The following BIRC6 variants were observed in gnomAD, a reference collection of about 807,000 sequenced individuals.
BIRC6 encodes baculoviral IAP repeat containing 6, also known as dual E2 ubiquitin-conjugating enzyme/E3 ubiquitin-protein ligase BIRC6.
Under a neutral mutation model 503.3 loss-of-function variants are expected in BIRC6, and 98 were observed. The ratio of observed to expected loss-of-function variants is 0.19; its 90% CI spans 0.17 to 0.23. The LOEUF is 0.23. Ranked by LOEUF, BIRC6 falls within the 10% of genes least tolerant of loss-of-function variation. BIRC6 has a pLI of 1.00. For missense variants in BIRC6, 5,360 were observed against 5,806.0 expected (o/e 0.92, Z 2.50); for synonymous variants, 2,240 against 2,078.7 (o/e 1.08, Z -2.11).
rs771605848 is a variant in BIRC6, at chr2:32,510,577, C to G, written c.10289C>G (p.Ser3430Cys). The change falls in exon 53 of 74, where the codon TCT becomes TGT. Residue 3430 changes from serine (S) to cysteine (C), a missense_variant. Physicochemically the swap from Ser to Cys is moderately radical, Grantham distance 112. This residue lies in a region of BIRC6 where 878 missense variants were observed against 928.9 expected (regional missense o/e 0.95). Transcript: ENST00000421745. Reference sequence around the variant, plus strand: ...AGACTAAATGGACTCTCTTCTGACTCTACGATAGATATTCTTTACCAGCTT... The same window carrying G: ...AGACTAAATGGACTCTCTTCTGACTGTACGATAGATATTCTTTACCAGCTT... The part of the protein sequence containing the change: ...FGRLNGLSSD[S>C]TIDILYQLGT... 2.5e-6 allele frequency: 4 copies of G among 1,610,306 alleles called. No homozygotes were observed. In the South Asian group the frequency reaches 3.3e-5, roughly 13 times the overall value.
At chr2:32,544,579 G>A (rs2057919726) in intron 62 of BIRC6, among the ~76,000 whole-genome samples, 1 of 148,240 alleles carries the variant, frequency 6.7e-6, no homozygotes, top group Non-Finnish European at 1.5e-5. Flanking sequence ...AAAATCACAT[G>A]GTTTTGATTA....
At chr2:32,480,512 A>G (rs980436556) in intron 37 of BIRC6, among the ~76,000 whole-genome samples, 7 of 151,768 alleles carry the variant, frequency 4.6e-5, no homozygotes, top group African/African-American at 1.7e-4. Context: ...ATGGAAAAGT[A>G]AGAGTTATAG....
intron 6 of BIRC6, among the ~76,000 whole-genome samples, chr2:32,399,461 T>C (rs2040360762): frequency 6.6e-6 from 1 of 152,206 alleles, no homozygotes; most frequent in South Asian, 2.1e-4. Context: ...GGTGTGATCA[T>C]AGCTTACTGC....
chr2:32,490,172 A>C (rs1479737643), intron 43 of BIRC6, 21 bp downstream of exon 43: 3 of 1,529,128 alleles, frequency 2.0e-6, no homozygotes, highest in Non-Finnish European at 2.7e-6. Context: ...AAATTTATTC[A>C]TTTAAATCTC....
In BIRC6 at chr2:32,469,387, T is replaced by C; in HGVS notation, c.6128-8T>C. ...TAGGAAAGTTTACTGTTTTCTTTCT[T>C]GTAATAGGACACTCTGTTCCTGCAG... On this transcript the variant is annotated splice_region_variant and splice_polypyrimidine_tract_variant and intron_variant, in intron 29 of 73. Coordinates refer to ENST00000421745, the MANE Select transcript of BIRC6 (RefSeq NM_016252.4). The C allele has an allele frequency of 1.3e-6, 2 of 1,599,254 alleles. No individual in the cohort carries two copies. Among genetic ancestry groups the C allele is most frequent in the Non-Finnish European group, 1.7e-6 (2 of 1,173,182 alleles).
At chr2:32,591,165 G>A (rs2061360823) in intron 66 of BIRC6, among the ~76,000 whole-genome samples, 1 of 151,706 alleles carries the variant, frequency 6.6e-6, no homozygotes, top group South Asian at 2.1e-4. Flanking sequence ...TCTTTTTTTC[G>A]GTGTGTTTTT....
intron 66 of BIRC6, among the ~76,000 whole-genome samples, chr2:32,589,841 G>C (rs1223341408): frequency 1.3e-5 from 2 of 152,162 alleles, no homozygotes; most frequent in African/African-American, 4.8e-5. Flanking sequence ...CTAAAAATTA[G>C]TATATTTGTG....
At chr2:32,570,890 T>C (rs954718334) in intron 65 of BIRC6, among the ~76,000 whole-genome samples, 5 of 152,184 alleles carry the variant, frequency 3.3e-5, no homozygotes, top group Non-Finnish European at 7.3e-5. Flanking sequence ...CTCAAACTCC[T>C]GGTCTCAAGC....
Position 32,444,675 on chromosome 2 carries a change from C to T in BIRC6, c.4337-846C>T, listed in dbSNP as rs535142072. Reference sequence around the variant, plus strand: ...CCATGGAGGGAGGATTGCTTGAGGCCAGGAGTTTAAAAAAACAACCCATTC... The same window carrying T: ...CCATGGAGGGAGGATTGCTTGAGGCTAGGAGTTTAAAAAAACAACCCATTC... On this transcript the variant is annotated intron_variant, in intron 20 of 73. Coordinates refer to ENST00000421745, the MANE Select transcript of BIRC6 (RefSeq NM_016252.4). 2.6e-5 allele frequency among the ~76,000 whole-genome samples: 4 copies of T among 152,090 alleles called. No individual in the cohort carries two copies. In the East Asian group the frequency reaches 7.7e-4, roughly 29 times the overall value.
rs561441728 is a variant in BIRC6 at position 32,559,733 on chromosome 2, A to T, written c.13144+10252A>T. On this transcript the variant is annotated intron_variant, in intron 65 of 73. Transcript: ENST00000421745. ...CTTCAAAATCTTTAAAAAAAAAAAA[A>T]AAATAAGGCCGGCACAGTGGCTCAC... is the stretch of plus-strand genomic sequence containing the variant. Among the ~76,000 whole-genome samples, 302 of 151,880 alleles carry T rather than the reference A, an allele frequency of 2.0e-3. 1 individual carries two copies. The South Asian group carries it at 0.03, about 15-fold the overall frequency.
chr2:32,481,326 C>A lies in BIRC6; in HGVS notation c.7415C>A (p.Pro2472His). 1 of 1,591,062 alleles carries A rather than the reference C, an allele frequency of 6.3e-7. No individual in the cohort carries two copies. ...EPLTHDITGAPPLSSLEKDKE... is the reference protein window; with the variant it reads ...EPLTHDITGAHPLSSLEKDKE... ...CACTTTTAATTATTTGAAGGTGCACCTCCTCTGTCCTCTTTGGAAAAAGAT... is the reference window on the plus strand; with the variant it reads ...CACTTTTAATTATTTGAAGGTGCACATCCTCTGTCCTCTTTGGAAAAAGAT... The change falls in exon 38 of 74, where the codon CCT (proline) becomes CAT (histidine). Residue 2472 changes from proline (P) to histidine (H), a missense_variant. Around this residue, in one of 16 missense-constraint regions of BIRC6, gnomAD observed 2,299 missense variants for 2,267.2 expected, o/e 1.01. Transcript: ENST00000421745.
At chr2:32,604,009 T>C (rs1369649547) in intron 71 of BIRC6, among the ~76,000 whole-genome samples, 1 of 152,068 alleles carries the variant, frequency 6.6e-6, no homozygotes, top group Non-Finnish European at 1.5e-5. Context: ...TCCAAATAGC[T>C]TTTTAAGTGA....
At chr2:32,472,398 T>C (rs1476593420) in intron 32 of BIRC6, among the ~76,000 whole-genome samples, 2 of 152,116 alleles carry the variant, frequency 1.3e-5, no homozygotes, top group Admixed American at 1.3e-4. Context: ...AAGAAAAATA[T>C]AAAATAAACT....
rs374523128 is a variant in BIRC6, at chr2:32,401,405, T to C, written c.1257+20T>C. 1.1e-4 allele frequency: 180 copies of C among 1,613,034 alleles called. No homozygotes were observed. The African/African-American group carries it at 2.1e-3, about 19-fold the overall frequency. Reference sequence around the variant, plus strand: ...ATGAAGGTATGTTTGAATTTTGAAGTAACAAATTAGTAATTGAAAAAAGAT... The same window carrying C: ...ATGAAGGTATGTTTGAATTTTGAAGCAACAAATTAGTAATTGAAAAAAGAT... On this transcript the variant is annotated intron_variant, in intron 7 of 73. Coordinates refer to ENST00000421745, the MANE Select transcript of BIRC6 (RefSeq NM_016252.4).
rs575378299 is a variant in BIRC6 at position 32,594,949 on chromosome 2, CTA to C, written c.13502-84_13502-83del. ...TTTTTTGGAATTCACAATTTGAACT[CTA>C]GAGGTGAATTCTTTTTAGTTTTATT... On this transcript the variant is annotated intron_variant, in intron 67 of 73. Transcript: ENST00000421745. 17 of 842,034 alleles carry C rather than the reference CTA, an allele frequency of 2.0e-5. 1 individual carries two copies. Among genetic ancestry groups the C allele is most frequent in the South Asian group, 1.5e-4 (7 of 45,394 alleles). The allele number at this position is 842,034 out of a possible 1,614,324, so 52.2% of individuals were successfully genotyped here.
chr2:32,428,602 AAT>A (rs2043777143), intron 10 of BIRC6, among the ~76,000 whole-genome samples: 2 of 152,210 alleles, frequency 1.3e-5, no homozygotes, highest in Admixed American at 1.3e-4. Context: ...AGAATGTTAG[AAT>A]ATACTATTAC....
At chr2:32,371,237 A>G (rs1163945845) in intron 1 of BIRC6, among the ~76,000 whole-genome samples, 6 of 151,400 alleles carry the variant, frequency 4.0e-5, no homozygotes, top group Admixed American at 3.3e-4. Flanking sequence ...AAAAAAAAAA[A>G]AAAGGAAATT....
At position 32,406,594 on chromosome 2, in the gene BIRC6, T is replaced by A. The variant is rs770592689; in HGVS notation, c.1477+37T>A. 8 of 1,456,406 alleles carry A rather than the reference T, an allele frequency of 5.5e-6. No individual in the cohort carries two copies. In the African/African-American group the frequency reaches 1.1e-4, roughly 20 times the overall value. The allele number at this position is 1,456,406 out of a possible 1,614,324, so 90.2% of individuals were successfully genotyped here. ...GTATTAGATAATGTATTTAAAAAATTCTTTACACAGTTGTGCATACAGCTA... is the reference window on the plus strand; with the variant it reads ...GTATTAGATAATGTATTTAAAAAATACTTTACACAGTTGTGCATACAGCTA... On this transcript the variant is annotated intron_variant, in intron 9 of 73. Coordinates refer to ENST00000421745, the MANE Select transcript of BIRC6 (RefSeq NM_016252.4).
In BIRC6 at chr2:32,518,288, G is replaced by A. The variant is rs1402818334; in HGVS notation, c.11384G>A (p.Arg3795Lys). The A allele has an allele frequency of 6.2e-7, 1 of 1,613,174 alleles. No homozygotes were observed. The highest frequency in any genetic ancestry group is 2.2e-5 in the East Asian group (1 of 44,796). Residue 3795 changes from arginine to lysine, a missense_variant, in exon 56 of 74, where the codon AGA becomes AAA. This residue lies in a region of BIRC6 where 878 missense variants were observed against 928.9 expected (regional missense o/e 0.95). Coordinates refer to ENST00000421745, the MANE Select transcript of BIRC6 (RefSeq NM_016252.4). ...LCELFQTSPQ[R>K]GNLPTSGNIS... ...GAACTATTTCAGACATCTCCTCAAAGAGGGAACCTTCCAACATCTGGGAAC... is the reference window on the plus strand; with the variant it reads ...GAACTATTTCAGACATCTCCTCAAAAAGGGAACCTTCCAACATCTGGGAAC...
Sources: gnomAD v4.1 joint callset for allele counts (sites outside exome capture counted in the v4.1 genomes callset) on GRCh38, gnomAD v4.1.1 for gene constraint, gnomAD v4.1.1 regional missense constraint, MANE v1.5 for transcripts, NCBI Gene and HGNC (gene_info 2026-07-23, HGNC 2026-07-21) for gene names.